Variants in PGCKA1 observed in about 807,000 individuals in gnomAD.
PGCKA1 encodes the protein PDCD10 and GCKIII kinases-associated protein 1.
the PGCKA1 span, among the ~76,000 whole-genome samples, chr4:37,548,551 A>G: frequency 5.9e-5 from 9 of 152,150 alleles, no homozygotes; most frequent in Non-Finnish European, 8.8e-5. Flanking sequence ...TTAAAAAAAA[A>G]GAGTCTATAA....
the PGCKA1 span, chr4:37,590,875 G>A: frequency 6.2e-7 from 1 of 1,614,256 alleles, no homozygotes; most frequent in Non-Finnish European, 8.5e-7. Context: ...AAACAGGCAG[G>A]AGGATACCCA....
At chr4:37,507,036 C>T in the PGCKA1 span, among the ~76,000 whole-genome samples, 1 of 151,938 alleles carries the variant, frequency 6.6e-6, no homozygotes, top group Admixed American at 6.5e-5. Context: ...ACATAATGAC[C>T]TTTGTTGTCT....
At chr4:37,479,194 G>T in the PGCKA1 span, among the ~76,000 whole-genome samples, 3,169 of 152,244 alleles carry the variant, frequency 0.021, 113 homozygotes, top group African/African-American at 0.073. Context: ...AAAATCAAAA[G>T]ATTTTTAAGA....
chr4:37,485,746 A>G, the PGCKA1 span, among the ~76,000 whole-genome samples: 1 of 152,280 alleles, frequency 6.6e-6, no homozygotes, highest in East Asian at 1.9e-4. Context: ...TTATTCTAAC[A>G]TAATGGTCAA....
At chr4:37,562,413 A>T in the PGCKA1 span, among the ~76,000 whole-genome samples, 1 of 152,234 alleles carries the variant, frequency 6.6e-6, no homozygotes, top group Non-Finnish European at 1.5e-5. Context: ...AGTTTTAGGC[A>T]GGGGAAGTGA....
At chr4:37,589,559 C>G in the PGCKA1 span, among the ~76,000 whole-genome samples, 1 of 152,078 alleles carries the variant, frequency 6.6e-6, no homozygotes, top group Non-Finnish European at 1.5e-5. Context: ...ATTCTATGAA[C>G]CACTTTGTAT....
the PGCKA1 span, among the ~76,000 whole-genome samples, chr4:37,554,808 G>A: frequency 6.6e-6 from 1 of 152,182 alleles, no homozygotes; most frequent in Non-Finnish European, 1.5e-5. Flanking sequence ...ATGTGCAAAG[G>A]TATAGAAGCA....
chr4:37,572,063 C>CTTTTTTTTTTTTTTTTTT, the PGCKA1 span, among the ~76,000 whole-genome samples: 1 of 89,972 alleles, frequency 1.1e-5, no homozygotes, highest in African/African-American at 4.9e-5. Context: ...TTTTTTTTTT[C>CTTTTTTTTTTTTTTTTTT]TTTTTTTTTT....
the PGCKA1 span, among the ~76,000 whole-genome samples, chr4:37,556,264 G>GTTT: frequency 1.7e-5 from 2 of 118,272 alleles, no homozygotes; most frequent in South Asian, 2.5e-4. Flanking sequence ...TTTTTGTTTT[G>GTTT]TTTTGTTTTT....
At chr4:37,457,341 G>A in the PGCKA1 span, among the ~76,000 whole-genome samples, 3 of 152,186 alleles carry the variant, frequency 2.0e-5, no homozygotes, top group Admixed American at 2.0e-4. Context: ...AACATGGCCT[G>A]CTGTATGTCA....
the PGCKA1 span, among the ~76,000 whole-genome samples, chr4:37,549,225 C>T: frequency 6.6e-5 from 10 of 152,198 alleles, no homozygotes; most frequent in African/African-American, 1.9e-4. Context: ...CATCCCCAAG[C>T]GGATGCGTGG....
the PGCKA1 span, among the ~76,000 whole-genome samples, chr4:37,520,342 C>T: frequency 6.6e-6 from 1 of 152,176 alleles, no homozygotes; most frequent in Non-Finnish European, 1.5e-5. Context: ...ATTAGTTCTT[C>T]TTTAAACATT....
At chr4:37,538,975 T>C in the PGCKA1 span, among the ~76,000 whole-genome samples, 3 of 152,196 alleles carry the variant, frequency 2.0e-5, no homozygotes, top group African/African-American at 7.2e-5. Flanking sequence ...GGGGTCACTG[T>C]AGGGTAGATG....
chr4:37,489,949 C>A, the PGCKA1 span, among the ~76,000 whole-genome samples: 1 of 151,766 alleles, frequency 6.6e-6, no homozygotes, highest in Non-Finnish European at 1.5e-5. Context: ...TTGACTGAAC[C>A]AAATTTGTCA....
At chr4:37,522,378 A>G in the PGCKA1 span, among the ~76,000 whole-genome samples, 152,252 of 152,262 alleles carry the variant, frequency 1, 76,121 homozygotes, top group Non-Finnish European at 1. Context: ...ACCACAAAGA[A>G]TACTGCCAGA....
At chr4:37,469,449 G>T in the PGCKA1 span, among the ~76,000 whole-genome samples, 1 of 152,116 alleles carries the variant, frequency 6.6e-6, no homozygotes, top group African/African-American at 2.4e-5. Flanking sequence ...GAGAGAAAGC[G>T]TGGAAGAGCA....
chr4:37,459,373 A>G, the PGCKA1 span, among the ~76,000 whole-genome samples: 1 of 152,188 alleles, frequency 6.6e-6, no homozygotes, highest in Non-Finnish European at 1.5e-5. Flanking sequence ...AGAAAGCCCT[A>G]TTTAGAATAG....
At chr4:37,570,259 A>G in the PGCKA1 span, among the ~76,000 whole-genome samples, 2 of 148,062 alleles carry the variant, frequency 1.4e-5, no homozygotes, top group Non-Finnish European at 3.0e-5. Context: ...CGGCCTCCCA[A>G]AGTGCTGGGA....
chr4:37,581,399 A>C, the PGCKA1 span, among the ~76,000 whole-genome samples: 681 of 152,240 alleles, frequency 4.5e-3, 6 homozygotes, highest in Middle Eastern at 0.01. This position sits in a 1 kb window ranked among gnomAD's most constrained non-coding sequence, Gnocchi z 4.4. Context: ...CCCATAGCGT[A>C]CTACCTGGGT....
Sources: gnomAD v4.1 joint callset for allele counts (sites outside exome capture counted in the v4.1 genomes callset) on GRCh38, gnomAD v4.1.1 for gene constraint, Gnocchi (gnomAD v3.1) non-coding constraint, MANE v1.5 for transcripts, NCBI Gene and HGNC (gene_info 2026-07-23, HGNC 2026-07-21) for gene names.